Variants in AK4 observed in about 807,000 individuals in gnomAD.
The protein encoded by AK4 is adenylate kinase 4.
Under a neutral mutation model 24.6 loss-of-function variants are expected in AK4, and 13 were observed. The ratio of observed to expected loss-of-function variants is 0.53; its 90% confidence interval spans 0.34 to 0.84. AK4 has a LOEUF of 0.84. Among genes scored for constraint, AK4 ranks in the 40% least tolerant of loss-of-function variants. AK4 has a pLI of 0.01. For synonymous variants in AK4, 88 were observed against 107.0 expected (o/e 0.82, Z 1.10); for missense variants, 192 against 288.2 (o/e 0.67, Z 2.42).
intron 1 of AK4, among the ~76,000 whole-genome samples, chr1:65,182,724 G>A (rs1650952563): frequency 6.6e-6 from 1 of 152,124 alleles, no homozygotes; most frequent in Non-Finnish European, 1.5e-5. Flanking sequence ...AACCTGGTTG[G>A]CTTTCTGTAA....
intron 2 of AK4, among the ~76,000 whole-genome samples, chr1:65,195,229 A>G (rs1048778400): frequency 1.3e-5 from 2 of 152,108 alleles, no homozygotes; most frequent in Non-Finnish European, 2.9e-5. Context: ...TAACCAACCC[A>G]TTAATTCATC....
chr1:65,211,680 A>G (rs1158088808), intron 2 of AK4, among the ~76,000 whole-genome samples: 3 of 152,268 alleles, frequency 2.0e-5, no homozygotes, highest in Non-Finnish European at 2.9e-5. Context: ...TACTCATTCA[A>G]CAAATATTTT....
chr1:65,191,709 A>G (rs2101042687), intron 2 of AK4, among the ~76,000 whole-genome samples: 1 of 152,070 alleles, frequency 6.6e-6, no homozygotes, highest in South Asian at 2.1e-4. Flanking sequence ...TGTTGGCTTT[A>G]GGGAGCACTG....
chr1:65,176,623 T>G (rs1474368012), intron 1 of AK4, among the ~76,000 whole-genome samples: 1 of 152,144 alleles, frequency 6.6e-6, no homozygotes, highest in African/African-American at 2.4e-5. Context: ...GGGAGGCTAG[T>G]CCTCTACCCT....
intron 1 of AK4, among the ~76,000 whole-genome samples, chr1:65,166,781 A>G (rs1160504750): frequency 6.6e-6 from 1 of 152,194 alleles, no homozygotes; most frequent in Non-Finnish European, 1.5e-5. Context: ...TTGGCCTCCC[A>G]CAGTGTTGGG....
intron 1 of AK4, among the ~76,000 whole-genome samples, chr1:65,156,750 C>T (rs1203768845): frequency 6.6e-6 from 1 of 151,554 alleles, no homozygotes; most frequent in African/African-American, 2.4e-5. Context: ...GGTGAAACCC[C>T]GTCTCTACTA....
chr1:65,188,918 G>C (rs1386622259), intron 1 of AK4, among the ~76,000 whole-genome samples: 1 of 151,886 alleles, frequency 6.6e-6, no homozygotes, highest in Non-Finnish European at 1.5e-5. Flanking sequence ...GGGATTATAG[G>C]TGCCCGCCAC....
At chr1:65,189,946 GTTGTTTGTA>G (rs947861535) in intron 1 of AK4, among the ~76,000 whole-genome samples, 9 of 152,188 alleles carry the variant, frequency 5.9e-5, no homozygotes, top group Non-Finnish European at 1.3e-4. Flanking sequence ...TAAAGCTGTT[GTTGTTTGTA>G]TTATGTGGCA....
intron 2 of AK4, among the ~76,000 whole-genome samples, chr1:65,196,567 C>T (rs1306061572): frequency 6.6e-6 from 1 of 152,106 alleles, no homozygotes; most frequent in African/African-American, 2.4e-5. Context: ...TGGGTTCAAG[C>T]GATTCTCCTT....
At chr1:65,201,257 C>G (rs773448947) in intron 2 of AK4, among the ~76,000 whole-genome samples, 6 of 152,162 alleles carry the variant, frequency 3.9e-5, no homozygotes, top group African/African-American at 7.2e-5. Context: ...CATGATAAAG[C>G]CTTGGATCTC....
At chr1:65,196,254 A>G (rs57197798) in intron 2 of AK4, among the ~76,000 whole-genome samples, 3,631 of 152,208 alleles carry the variant, frequency 0.024, 146 homozygotes, top group African/African-American at 0.083. Context: ...ATGACTCATC[A>G]TCTTGGTCCA....
intron 4 of AK4, among the ~76,000 whole-genome samples, chr1:65,225,834 G>A (rs574638088): frequency 3.7e-4 from 56 of 152,172 alleles, no homozygotes; most frequent in Non-Finnish European, 7.4e-4. Context: ...TTTTAAAGGG[G>A]GAGAAAAAAG....
chr1:65,230,680 C>T lies in AK4; in HGVS notation c.*4503C>T, dbSNP rs1464771959. The stretch of plus-strand genomic sequence containing the variant: ...CTCAAATGGCCTTTTTAATACCTTT[C>T]CCTAGTTTGAGCTCCCTGTTCTCTT... On this transcript the variant is annotated 3_prime_UTR_variant, in exon 5 of 5. Coordinates refer to ENST00000327299, the MANE Select transcript of AK4 (RefSeq NM_013410.4). 3 of 152,138 alleles carry T rather than the reference C, an allele frequency of 2.0e-5. No homozygotes were observed. The highest frequency in any genetic ancestry group is 4.4e-5 in the Non-Finnish European group (3 of 68,020). 9.4% of individuals were successfully genotyped at this position (152,138 alleles called of 1,614,324 possible).
rs952011781 is a variant in AK4 at position 65,231,753 on chromosome 1, C to T, written c.*5576C>T. The T allele has an allele frequency of 6.6e-6, 1 of 152,154 alleles. No individual in the cohort carries two copies. Among genetic ancestry groups the T allele is most frequent in the Non-Finnish European group, 1.5e-5 (1 of 68,022 alleles). 9.4% of individuals were successfully genotyped at this position (152,154 alleles called of 1,614,324 possible). The stretch of plus-strand genomic sequence containing the variant: ...TCTAGTTTTATGAGAATTTGTACTA[C>T]TGATTTTTATATATTCCTGTTTTTG... On this transcript the variant is annotated 3_prime_UTR_variant, in exon 5 of 5. Coordinates refer to ENST00000327299, the MANE Select transcript of AK4 (RefSeq NM_013410.4).
intron 1 of AK4, among the ~76,000 whole-genome samples, chr1:65,174,067 C>G (rs1056963704): frequency 1.3e-5 from 2 of 152,110 alleles, no homozygotes; most frequent in Admixed American, 1.3e-4. Context: ...TGCTCTTTTC[C>G]CTTCTGGAGA....
intron 3 of AK4, among the ~76,000 whole-genome samples, chr1:65,222,354 G>A (rs569019619): frequency 6.6e-6 from 1 of 152,262 alleles, no homozygotes; most frequent in South Asian, 2.1e-4. Context: ...TCTGCAGCTC[G>A]ACTTTACAGG....
intron 2 of AK4, among the ~76,000 whole-genome samples, chr1:65,194,517 C>G (rs1651409403): frequency 6.6e-6 from 1 of 152,110 alleles, no homozygotes; most frequent in African/African-American, 2.4e-5. Flanking sequence ...GCCAGAGTGC[C>G]ATGGCCTGAT....
intron 1 of AK4, among the ~76,000 whole-genome samples, chr1:65,159,843 C>A (rs191885013): frequency 6.6e-6 from 1 of 151,800 alleles, no homozygotes; most frequent in Non-Finnish European, 1.5e-5. Context: ...TGGTGTGCGC[C>A]TGTAGTCCCA....
intron 1 of AK4, among the ~76,000 whole-genome samples, chr1:65,170,955 T>C (rs982098896): frequency 0.035 from 1,445 of 41,700 alleles, 20 homozygotes; most frequent in African/African-American, 0.34. Context: ...GTCTTCTTCC[T>C]TTTTTTTTTT....
Sources: gnomAD v4.1 joint callset for allele counts (sites outside exome capture counted in the v4.1 genomes callset) on GRCh38, gnomAD v4.1.1 for gene constraint, MANE v1.5 for transcripts, NCBI Gene and HGNC (gene_info 2026-07-23, HGNC 2026-07-21) for gene names.